CSPG4: variants seen among roughly 807,000 people sequenced by gnomAD.
CSPG4 encodes chondroitin sulfate proteoglycan 4, also known as chondroitin sulfate proteoglycan 4 (melanoma-associated).
In CSPG4, 74 loss-of-function variants were observed where a neutral mutation model predicts 139.3. The observed-to-expected ratio is 0.53, with a 90% CI of 0.44 to 0.64. The LOEUF (loss-of-function observed/expected upper bound fraction) is 0.64. Ranked by LOEUF, CSPG4 falls within the 30% of genes least tolerant of loss-of-function variation. The pLI, the probability that CSPG4 is intolerant of heterozygous loss-of-function variation, is 0.00. For synonymous variants in CSPG4, 1,234 were observed against 1,394.2 expected, an observed-to-expected ratio of 0.89 and a Z score of 2.56; for missense variants, 2,565 against 3,148.3, an observed-to-expected ratio of 0.81 and a Z score of 4.43.
Position 75,688,323 on chromosome 15 carries a change from C to T in CSPG4, c.2742G>A (p.Glu914=), listed in dbSNP as rs746666354. Reference sequence around the variant, plus strand: ...AGAGGTGGTCAGCAGAGAGGACACCCTCACCACCCTCAGGCACCACGAGGA... The same window carrying T: ...AGAGGTGGTCAGCAGAGAGGACACCTTCACCACCCTCAGGCACCACGAGGA... The part of the protein sequence containing the change: ...NVLLVVPEGG[E]GVLSADHLFV... The change falls in exon 3 of 10, where the codon GAG becomes GAA. Residue 914 remains glutamate (E), a synonymous_variant. Coordinates refer to ENST00000308508, the MANE Select transcript of CSPG4 (RefSeq NM_001897.5). 1 of 1,613,252 alleles carries T rather than the reference C, an allele frequency of 6.2e-7. No individual in the cohort carries two copies. The highest frequency in any genetic ancestry group is 8.5e-7 in the Non-Finnish European group (1 of 1,180,040).
chr15:75,684,490 C>T (rs1011402215), intron 5 of CSPG4, among the ~76,000 whole-genome samples: 2 of 152,240 alleles, frequency 1.3e-5, no homozygotes, highest in Non-Finnish European at 2.9e-5. Context: ...CAGAGCCACC[C>T]GTGGCCGCTC....
intron 8 of CSPG4, among the ~76,000 whole-genome samples, chr15:75,682,085 C>T (rs1042390193): frequency 1.3e-5 from 2 of 152,252 alleles, no homozygotes; most frequent in African/African-American, 2.4e-5. Context: ...TTTCTGCATC[C>T]TTCTCCCTCC....
chr15:75,678,314 A>G (rs146407279), intron 8 of CSPG4, among the ~76,000 whole-genome samples: 44 of 152,140 alleles, frequency 2.9e-4, no homozygotes, highest in African/African-American at 9.6e-4. Flanking sequence ...CAACTATGCT[A>G]TTCTTTTGTC....
chr15:75,702,655 G>A (rs1278145847), intron 1 of CSPG4, among the ~76,000 whole-genome samples: 1 of 152,268 alleles, frequency 6.6e-6, no homozygotes, highest in African/African-American at 2.4e-5. Context: ...AGAGCCCCAG[G>A]GCTCAGAGGC....
chr15:75,693,527 C>T (rs1369596152), intron 1 of CSPG4, among the ~76,000 whole-genome samples: 3 of 152,234 alleles, frequency 2.0e-5, no homozygotes, highest in Admixed American at 6.5e-5. Context: ...AGCCAGAGGC[C>T]TCCGCCAGCT....
Position 75,685,618 on chromosome 15 carries a change from C to T in CSPG4, c.3873G>A (p.Ser1291=), listed in dbSNP as rs369263663. ...PPSAGYLVMV[S]RGALADEPPS... ...GTGGCTCATCTGCCAAGGCGCCACG[C>T]GACACCATCACCAGGTAGCCGGCAC... is the stretch of plus-strand genomic sequence containing the variant. The change falls in exon 4 of 10, where the codon TCG becomes TCA. Residue 1291 remains serine (S), a synonymous_variant. Transcript: ENST00000308508. 6.3e-5 allele frequency: 101 copies of T among 1,609,896 alleles called. No individual in the cohort carries two copies. The highest frequency in any genetic ancestry group is 1.8e-4 in the Middle Eastern group (1 of 5,420).
At chr15:75,703,122 G>A (rs1894326470) in intron 1 of CSPG4, among the ~76,000 whole-genome samples, 3 of 120,304 alleles carry the variant, frequency 2.5e-5, no homozygotes, top group Admixed American at 1.8e-4. Flanking sequence ...GGGTGCTGGC[G>A]GCAGGGAGCA....
intron 5 of CSPG4, 80 bp downstream of exon 5, chr15:75,684,656 G>C (rs1894026338): frequency 7.5e-7 from 1 of 1,336,470 alleles, no homozygotes; most frequent in Non-Finnish European, 1.0e-6. Flanking sequence ...TCAGAGCTGG[G>C]GGAGCTCTGA....
At chr15:75,712,910 C>A, upstream of CSPG4, 2 of 582,292 alleles carry the variant, frequency 3.4e-6, no homozygotes, top group East Asian at 3.4e-5. Context: ...GACCCGCGCG[C>A]CCGCTCGGGT....
chr15:75,680,842 A>T (rs1893964797), intron 8 of CSPG4: 1 of 153,076 alleles, frequency 6.5e-6, no homozygotes, highest in South Asian at 2.1e-4. Context: ...TGTCAAGACA[A>T]TACCCAGTCC....
intron 1 of CSPG4, 69 bp from the exon 2 acceptor site, chr15:75,693,302 G>A: frequency 7.5e-7 from 1 of 1,328,228 alleles, no homozygotes; most frequent in Non-Finnish European, 1.0e-6. Flanking sequence ...GCCGCAAAGA[G>A]GGACGGGTGG....
rs1164382120 is a variant in CSPG4 at position 75,712,819 on chromosome 15, T to C, written c.-64A>G. 6 of 1,396,342 alleles carry C rather than the reference T, an allele frequency of 4.3e-6. No individual in the cohort carries two copies. Among genetic ancestry groups the C allele is most frequent in the East Asian group, 2.8e-5 (1 of 35,942 alleles). 86.5% of individuals were successfully genotyped at this position (1,396,342 alleles called of 1,614,324 possible). On this transcript the variant is annotated 5_prime_UTR_variant, in exon 1 of 10. Coordinates refer to ENST00000308508, the MANE Select transcript of CSPG4 (RefSeq NM_001897.5). ...GGAGTCCTGGGAGCTGGGAGCTGAG[T>C]GGAGCGAGCGCGGCTCTGCTCCTGG...
rs1893868448 is a variant in CSPG4 at position 75,674,960 on chromosome 15, CT to C, written c.*589del. The C allele has an allele frequency of 2.5e-6, 1 of 397,126 alleles. No individual in the cohort carries two copies. The highest frequency in any genetic ancestry group is 4.4e-6 in the Non-Finnish European group (1 of 225,658). 24.6% of individuals were successfully genotyped at this position (397,126 alleles called of 1,614,324 possible). A position where few individuals can be genotyped will look rare whatever the true frequency, so the allele number is the denominator to read the frequency against. On this transcript the variant is annotated 3_prime_UTR_variant, in exon 10 of 10. Coordinates refer to ENST00000308508, the MANE Select transcript of CSPG4 (RefSeq NM_001897.5). ...CAGAGCAACCTACCCACCCTGCACC[CT>C]GAATATATTATCCTATTGGCTTATG...
Position 75,682,454 on chromosome 15 carries a change from C to A in CSPG4, c.4789G>T (p.Val1597Phe). ...SQTLTVCPGSVQPLSSQTLRA... is the reference protein window; with the variant it reads ...SQTLTVCPGSFQPLSSQTLRA... ...AGGGTCTGACTGCTGAGTGGCTGGA[C>A]GGACCCTGCCAGAGGCAAAAGGGGA... Residue 1597 changes from valine to phenylalanine, a missense_variant, in exon 8 of 10, where the codon GTC becomes TTC. This residue lies in a region of CSPG4 where 2,316 missense variants were observed against 2,818.2 expected (regional missense o/e 0.82). Coordinates refer to ENST00000308508, the MANE Select transcript of CSPG4 (RefSeq NM_001897.5). 5.1e-6 allele frequency: 8 copies of A among 1,578,850 alleles called. No individual in the cohort carries two copies. The highest frequency in any genetic ancestry group is 2.2e-5 in the East Asian group (1 of 44,596).
intron 1 of CSPG4, among the ~76,000 whole-genome samples, chr15:75,710,073 T>G (rs1174563896): frequency 6.6e-6 from 1 of 151,994 alleles, no homozygotes. Context: ...TTCAATTTCT[T>G]GTACCTGGTG....
intron 8 of CSPG4, 114 bp from the exon 9 acceptor site, chr15:75,678,000 T>C (rs1893918041): frequency 2.2e-6 from 2 of 925,900 alleles, no homozygotes; most frequent in East Asian, 6.0e-5. Flanking sequence ...TGCCCAGGTC[T>C]GTGCGTGTGA....
At chr15:75,707,977 C>T (rs1894396067) in intron 1 of CSPG4, among the ~76,000 whole-genome samples, 1 of 151,548 alleles carries the variant, frequency 6.6e-6, no homozygotes, top group South Asian at 2.1e-4. Flanking sequence ...GGAGCCCTCC[C>T]CCTAATCTCC....
intron 3 of CSPG4, among the ~76,000 whole-genome samples, chr15:75,686,397 C>T (rs1279095157): frequency 6.6e-6 from 1 of 152,250 alleles, no homozygotes; most frequent in Non-Finnish European, 1.5e-5. Context: ...CCGCCCCACC[C>T]CTCCTGGAGG....
chr15:75,685,071 A>G, intron 4 of CSPG4, 148 bp downstream of exon 4: 1 of 1,248,162 alleles, frequency 8.0e-7, no homozygotes, highest in Non-Finnish European at 1.1e-6. Flanking sequence ...GGAAGAAAAG[A>G]TATATGGTAT....
Sources: gnomAD v4.1 joint callset for allele counts (sites outside exome capture counted in the v4.1 genomes callset) on GRCh38, gnomAD v4.1.1 for gene constraint, gnomAD v4.1.1 regional missense constraint, MANE v1.5 for transcripts, NCBI Gene and HGNC (gene_info 2026-07-23, HGNC 2026-07-21) for gene names.